CMSS1: variants seen among roughly 807,000 people sequenced by gnomAD.
CMSS1 encodes the protein cms1 ribosomal small subunit homolog.
In CMSS1, 33 loss-of-function variants were observed where a neutral mutation model predicts 43.5. The ratio of observed to expected loss-of-function variants is 0.76; its 90% CI spans 0.57 to 1.01. The LOEUF (loss-of-function observed/expected upper bound fraction) is 1.01. CMSS1 is among the 50% of genes least tolerant of loss of function. CMSS1 has a pLI of 0.00. For missense variants in CMSS1, 313 were observed against 326.4 expected (o/e 0.96, Z 0.32); for synonymous variants, 115 against 117.2 (o/e 0.98, Z 0.12).
At chr3:99,924,115 T>G in intron 1 of CMSS1, 80 of 857,390 alleles carry the variant, frequency 9.3e-5, no homozygotes, top group Middle Eastern at 2.3e-4. Flanking sequence ...CCCTGGACTA[T>G]GAGATCTTTG....
chr3:100,120,574 C>T (rs1339577871), intron 1 of CMSS1, among the ~76,000 whole-genome samples: 3 of 152,090 alleles, frequency 2.0e-5, no homozygotes, highest in African/African-American at 4.8e-5. Context: ...CCGTGCTAAG[C>T]GTGGCACCTA....
At chr3:100,118,821 A>ATATC (rs376927941) in intron 1 of CMSS1, among the ~76,000 whole-genome samples, 89 of 152,316 alleles carry the variant, frequency 5.8e-4, no homozygotes, top group Non-Finnish European at 1.0e-3. Context: ...TGACTCTTAG[A>ATATC]TATCATCCTA....
At chr3:99,939,757 T>C (rs1707799321) in intron 1 of CMSS1, among the ~76,000 whole-genome samples, 1 of 152,228 alleles carries the variant, frequency 6.6e-6, no homozygotes, top group Non-Finnish European at 1.5e-5. Context: ...TGCATGTTTC[T>C]TGATACATCA....
At chr3:99,833,182 T>C in intron 1 of CMSS1, 2 of 1,523,890 alleles carry the variant, frequency 1.3e-6, no homozygotes, top group Non-Finnish European at 1.8e-6. Context: ...TTAACCCAGT[T>C]CAACATGAAG....
At chr3:99,928,080 G>A (rs1471434036) in intron 1 of CMSS1, among the ~76,000 whole-genome samples, 7 of 152,166 alleles carry the variant, frequency 4.6e-5, no homozygotes, top group Non-Finnish European at 1.0e-4. Context: ...CAAGATGGGG[G>A]AATGCAAAAG....
chr3:99,876,084 C>A (rs370878584), intron 1 of CMSS1: 2 of 986,244 alleles, frequency 2.0e-6, no homozygotes, highest in East Asian at 2.3e-4. Flanking sequence ...GAACTGCCTG[C>A]GCCGGGGCCG....
At chr3:99,825,128 A>G (rs903951045) in intron 1 of CMSS1, among the ~76,000 whole-genome samples, 3 of 152,244 alleles carry the variant, frequency 2.0e-5, no homozygotes, top group South Asian at 2.1e-4. Context: ...TTGTCTCTAC[A>G]TATAAAATTC....
chr3:99,967,537 T>C (rs1483802212), intron 1 of CMSS1, among the ~76,000 whole-genome samples: 1 of 152,122 alleles, frequency 6.6e-6, no homozygotes, highest in Admixed American at 6.5e-5. Context: ...GCTCCTTGTT[T>C]TGTGAATTGA....
intron 1 of CMSS1, among the ~76,000 whole-genome samples, chr3:99,828,105 G>C (rs1223766286): frequency 6.6e-6 from 1 of 152,114 alleles, no homozygotes; most frequent in Non-Finnish European, 1.5e-5. Flanking sequence ...GTTTTTCTGG[G>C]ACTATTGTTA....
At chr3:99,940,268 A>C (rs964163653) in intron 1 of CMSS1, among the ~76,000 whole-genome samples, 20 of 152,228 alleles carry the variant, frequency 1.3e-4, no homozygotes, top group Non-Finnish European at 2.1e-4. Flanking sequence ...AGTTAGGTTT[A>C]AATGCATTTT....
chr3:99,968,428 GGAA>G (rs1708719002), intron 1 of CMSS1, among the ~76,000 whole-genome samples: 2 of 141,346 alleles, frequency 1.4e-5, no homozygotes, highest in African/African-American at 2.6e-5. Context: ...TGTTTTTGGG[GGAA>G]AAAAAAAAAA....
intron 1 of CMSS1, among the ~76,000 whole-genome samples, chr3:100,092,341 G>A (rs1312538253): frequency 2.0e-5 from 3 of 152,016 alleles, no homozygotes; most frequent in Non-Finnish European, 2.9e-5. Context: ...GCATATTTTG[G>A]ATTCCAGGAG....
intron 1 of CMSS1, among the ~76,000 whole-genome samples, chr3:100,069,625 A>G (rs2065727183): frequency 6.6e-6 from 1 of 152,184 alleles, no homozygotes; most frequent in African/African-American, 2.4e-5. Flanking sequence ...TACTCTTAAG[A>G]ATTTTCACTG....
At chr3:99,957,584 C>G (rs944150857) in intron 1 of CMSS1, among the ~76,000 whole-genome samples, 10 of 151,852 alleles carry the variant, frequency 6.6e-5, no homozygotes, top group Middle Eastern at 3.4e-3. Context: ...TTGGAATTTT[C>G]ACCCTCTGGG....
At chr3:99,832,071 CAGCTGCCTGAAGGTT>C (rs1036956129) in intron 1 of CMSS1, among the ~76,000 whole-genome samples, 1 of 152,138 alleles carries the variant, frequency 6.6e-6, no homozygotes, top group Non-Finnish European at 1.5e-5. Context: ...CTTTCAGGCC[CAGCTGCCTGAAGGTT>C]ACTGGGCTCC....
chr3:99,888,320 C>T (rs1194059367), intron 1 of CMSS1, among the ~76,000 whole-genome samples: 1 of 151,894 alleles, frequency 6.6e-6, no homozygotes, highest in Non-Finnish European at 1.5e-5. Context: ...GAGCCATGAT[C>T]ATGCCACTGC....
intron 1 of CMSS1, among the ~76,000 whole-genome samples, chr3:100,101,479 G>C (rs1308612630): frequency 3.9e-5 from 6 of 152,154 alleles, no homozygotes; most frequent in Non-Finnish European, 5.9e-5. Context: ...AGCAACTGAA[G>C]AGACTCTCAC....
rs191007056 is a variant in CMSS1 at position 100,087,260 on chromosome 3, T to G, written c.65-59713T>G. Reference sequence around the variant, plus strand: ...TTGTAAATGAATGTTTAGCATCTTATAAAGAACTGCCAAACTGTTTTCCAA... The same window carrying G: ...TTGTAAATGAATGTTTAGCATCTTAGAAAGAACTGCCAAACTGTTTTCCAA... On this transcript the variant is annotated intron_variant, in intron 1 of 9. Transcript: ENST00000421999. Among the ~76,000 whole-genome samples the G allele has an allele frequency of 5.9e-5, 9 of 152,376 alleles. No individual in the cohort carries two copies. In the East Asian group the frequency reaches 1.5e-3, roughly 26 times the overall value.
At chr3:100,144,930 A>G (rs1245786663) in intron 1 of CMSS1, among the ~76,000 whole-genome samples, 1 of 151,800 alleles carries the variant, frequency 6.6e-6, no homozygotes, top group African/African-American at 2.4e-5. Flanking sequence ...GAGTCTTTCT[A>G]TTTTTTTTAA....
Sources: gnomAD v4.1 joint callset for allele counts (sites outside exome capture counted in the v4.1 genomes callset) on GRCh38, gnomAD v4.1.1 for gene constraint, MANE v1.5 for transcripts, NCBI Gene and HGNC (gene_info 2026-07-23, HGNC 2026-07-21) for gene names.